The following ADCY10 variants were observed in gnomAD, a reference collection of about 807,000 sequenced individuals.
ADCY10 encodes adenylate cyclase type 10.
ADCY10 carries 156 observed loss-of-function variants against 183.3 expected under a neutral mutation model. The observed-to-expected ratio is 0.85, with a 90% CI of 0.75 to 0.97. ADCY10 has a LOEUF of 0.97. Ranked by LOEUF, ADCY10 falls within the 50% of genes least tolerant of loss-of-function variation. ADCY10 has a pLI of 0.00. For synonymous variants in ADCY10, 645 were observed against 670.0 expected, an observed-to-expected ratio of 0.96 and a Z score of 0.58; for missense variants, 1,745 against 1,934.3, an observed-to-expected ratio of 0.90 and a Z score of 1.84.
At chr1:167,832,187 G>A (rs1663786960) in intron 25 of ADCY10, among the ~76,000 whole-genome samples, 1 of 152,186 alleles carries the variant, frequency 6.6e-6, no homozygotes, top group Non-Finnish European at 1.5e-5. Context: ...CAAGATGGAA[G>A]AGGTGTCCTC....
At chr1:167,815,113 A>C (rs1021083850) in intron 31 of ADCY10, among the ~76,000 whole-genome samples, 1 of 152,084 alleles carries the variant, frequency 6.6e-6, no homozygotes. Context: ...CGACAGAGTG[A>C]GACTCTGTCT....
rs1253853447 is a variant in ADCY10 at position 167,856,400 on chromosome 1, C to G, written c.1936G>C (p.Ala646Pro). Residue 646 changes from alanine (A) to proline (P), a missense_variant, in exon 17 of 33, where the codon GCC becomes CCC. By Grantham distance (27) the Ala-to-Pro change is conservative (BLOSUM62 -1). Coordinates refer to ENST00000367851, the MANE Select transcript of ADCY10 (RefSeq NM_018417.6). ...EERIIFIIDE[A>P]QFVDSTSWRF... ...CAGGAGGTCGAATCCACAAACTGGG[C>G]CTCATCAATGATAAAAATAATCCTT... is the stretch of plus-strand genomic sequence containing the variant. 1.9e-6 allele frequency: 3 copies of G among 1,614,022 alleles called. No individual in the cohort carries two copies. In the African/African-American group the frequency reaches 4.0e-5, roughly 22 times the overall value.
At position 167,832,969 on chromosome 1, in the gene ADCY10, C is replaced by A. The variant is rs369384325; in HGVS notation, c.3593+18G>T. On this transcript the variant is annotated intron_variant, in intron 25 of 32. Transcript: ENST00000367851. ...GAGTGAGACTAAACAGTCTGCTCTCCCCAGCTCCTTCCCTTACCCTGGAGG... is the reference window on the plus strand; with the variant it reads ...GAGTGAGACTAAACAGTCTGCTCTCACCAGCTCCTTCCCTTACCCTGGAGG... The A allele has an allele frequency of 4.3e-6, 7 of 1,612,544 alleles. No homozygotes were observed. In the African/African-American group the frequency reaches 9.3e-5, roughly 22 times the overall value.
At chr1:167,837,545 G>C (rs1329627128) in intron 21 of ADCY10, among the ~76,000 whole-genome samples, 3 of 152,224 alleles carry the variant, frequency 2.0e-5, no homozygotes, top group African/African-American at 7.2e-5. Context: ...ATGGTTATGT[G>C]TCTTCTCTGC....
intron 1 of ADCY10, among the ~76,000 whole-genome samples, chr1:167,911,325 AAT>A (rs1670135887): frequency 6.6e-6 from 1 of 152,382 alleles, no homozygotes; most frequent in South Asian, 2.1e-4. Context: ...AACATTCTTA[AAT>A]ATCTGCTAGC....
At chr1:167,892,090 A>G (rs969654490) in intron 8 of ADCY10, among the ~76,000 whole-genome samples, 8 of 151,286 alleles carry the variant, frequency 5.3e-5, no homozygotes, top group Admixed American at 5.3e-4. Flanking sequence ...CTCTCACCTC[A>G]GCCTCCCTAG....
chr1:167,824,908 A>G, intron 26 of ADCY10, 53 bp from the exon 27 acceptor site: 1 of 1,505,310 alleles, frequency 6.6e-7, no homozygotes, highest in Non-Finnish European at 9.2e-7. Context: ...CAGAAAGCTC[A>G]GGAACATCAC....
chr1:167,833,170 G>A lies in ADCY10; in HGVS notation c.3418-8C>T, dbSNP rs1663897117. 1.2e-6 allele frequency: 2 copies of A among 1,613,492 alleles called. No homozygotes were observed. ...GCCCATATTGAAACAGACCTACAGG[G>A]AGGTGGGAGGGAAGAGAGGAAAAGA... On this transcript the variant is annotated splice_region_variant and splice_polypyrimidine_tract_variant and intron_variant, in intron 24 of 32. Transcript: ENST00000367851.
intron 18 of ADCY10, among the ~76,000 whole-genome samples, chr1:167,852,824 T>A (rs1014981694): frequency 2.6e-5 from 4 of 151,444 alleles, no homozygotes; most frequent in African/African-American, 7.3e-5. Context: ...CAGACAACCA[T>A]CTGTCTCATT....
At chr1:167,816,768 G>C (rs1662554240) in intron 31 of ADCY10, among the ~76,000 whole-genome samples, 1 of 145,252 alleles carries the variant, frequency 6.9e-6, no homozygotes. Flanking sequence ...TAAAATTGAA[G>C]GAAGTTGTTG....
Position 167,893,925 on chromosome 1 carries a change from T to G in ADCY10, c.756A>C (p.Ala252=). The G allele has an allele frequency of 6.2e-7, 1 of 1,613,294 alleles. No individual in the cohort carries two copies. The highest frequency in any genetic ancestry group is 1.1e-5 in the South Asian group (1 of 91,068). The change falls in exon 8 of 33, where the codon GCA becomes GCC. Residue 252 remains alanine (A), a synonymous_variant. Transcript: ENST00000367851. ...SGEHKNLLRL[A]CTLKPDPELE... ...GTTCAGGATCAGGCTTCAGCGTGCA[T>G]GCAAGCCTCAGGAGGTCTAAGAAGG...
intron 14 of ADCY10, among the ~76,000 whole-genome samples, chr1:167,866,530 CAAAAAA>C (rs57450280): frequency 0.45 from 50,162 of 110,872 alleles, 11,504 homozygotes; most frequent in African/African-American, 0.68. Context: ...CTCTATGTGC[CAAAAAA>C]AAAAAAAAAA....
chr1:167,891,097 G>A (rs552702222), intron 8 of ADCY10, among the ~76,000 whole-genome samples: 1 of 152,012 alleles, frequency 6.6e-6, no homozygotes, highest in Non-Finnish European at 1.5e-5. Context: ...GAGTAGCTGG[G>A]ATTACAGGTG....
At chr1:167,897,588 G>A (rs372850740) in intron 6 of ADCY10, among the ~76,000 whole-genome samples, 78 of 80 alleles carry the variant, frequency 0.97, 39 homozygotes, top group African/African-American at 1. Context: ...GCATCAGGCA[G>A]TGCTAACCAG....
chr1:167,898,607 T>TAA (rs1219407302), intron 6 of ADCY10, among the ~76,000 whole-genome samples: 3 of 94,808 alleles, frequency 3.2e-5, no homozygotes, highest in African/African-American at 1.1e-4. Flanking sequence ...TTTTTTTTTT[T>TAA]AAAAAAAGAA....
In ADCY10 at chr1:167,845,579, C is replaced by T. The variant is rs1166559304; in HGVS notation, c.2991G>A (p.Met997Ile). The T allele has an allele frequency of 6.2e-7, 1 of 1,614,174 alleles. No homozygotes were observed. Among genetic ancestry groups the T allele is most frequent in the East Asian group, 2.2e-5 (1 of 44,890 alleles). The change falls in exon 21 of 33, where the codon ATG becomes ATA. Residue 997 changes from methionine to isoleucine, a missense_variant. Transcript: ENST00000367851. ...GTAGGTTACTTTTAAATCCATGAGACATAGCCATCTTTTTAATGGCATCCA... is the reference window on the plus strand; with the variant it reads ...GTAGGTTACTTTTAAATCCATGAGATATAGCCATCTTTTTAATGGCATCCA... ...LDMDAIKKMA[M>I]SHGFKTEEKL...
At position 167,833,103 on chromosome 1, in the gene ADCY10, C is replaced by A. The variant is rs1276172016; in HGVS notation, c.3477G>T (p.Lys1159Asn). 6.2e-7 allele frequency: 1 copy of A among 1,614,132 alleles called. No homozygotes were observed. Among genetic ancestry groups the A allele is most frequent in the African/African-American group, 1.3e-5 (1 of 75,038 alleles). The change falls in exon 25 of 33, where the codon AAG (lysine) becomes AAT (asparagine). Residue 1159 changes from lysine (K) to asparagine (N), a missense_variant. Transcript: ENST00000367851. ...TGTAAGGAAAGATTCGGTTGAGGAGCTTCAGTGCCTTCCTCAGCATTTTCT... is the reference window on the plus strand; with the variant it reads ...TGTAAGGAAAGATTCGGTTGAGGAGATTCAGTGCCTTCCTCAGCATTTTCT... ...LAKKMLRKAL[K>N]LLNRIFPYNL...
chr1:167,849,851 C>T (rs951748678), intron 18 of ADCY10, among the ~76,000 whole-genome samples: 2 of 152,098 alleles, frequency 1.3e-5, no homozygotes, highest in African/African-American at 2.4e-5. Flanking sequence ...GAGGCCAACG[C>T]GAAGGCACAG....
At chr1:167,900,840 A>G (rs1301083100) in intron 5 of ADCY10, among the ~76,000 whole-genome samples, 1 of 152,182 alleles carries the variant, frequency 6.6e-6, no homozygotes, top group Non-Finnish European at 1.5e-5. Context: ...CCTTATTTGG[A>G]AATTTTTAAC....
Sources: allele counts gnomAD v4.1 joint callset (sites outside exome capture counted in the v4.1 genomes callset), GRCh38; gene constraint gnomAD v4.1.1; transcripts MANE v1.5; gene names NCBI Gene and HGNC (gene_info 2026-07-23, HGNC 2026-07-21).